The following ANXA2 variants were observed in gnomAD, a reference collection of about 807,000 sequenced individuals.
ANXA2 encodes the protein annexin A2, also known as annexin II.
Under a neutral mutation model 47.3 loss-of-function variants are expected in ANXA2, and 28 were observed. That is an observed-to-expected ratio of 0.59 (90% CI 0.44 to 0.81). The LOEUF (loss-of-function observed/expected upper bound fraction) is 0.81, where lower values mean the gene tolerates loss of function less well. Among genes scored for constraint, ANXA2 ranks in the 40% least tolerant of loss-of-function variants. ANXA2 has a pLI of 0.00. For synonymous variants in ANXA2, 172 were observed against 155.5 expected (o/e 1.11, Z -0.79); for missense variants, 384 against 414.3 (o/e 0.93, Z 0.64).
In ANXA2 at chr15:60,352,586, G is replaced by T; in HGVS notation, c.589-110C>A. 1 of 761,356 alleles carries T rather than the reference G, an allele frequency of 1.3e-6. No homozygotes were observed. Among genetic ancestry groups the T allele is most frequent in the Admixed American group, 2.3e-5 (1 of 43,298 alleles). 47.2% of individuals were successfully genotyped at this position (761,356 alleles called of 1,614,324 possible). A position where few individuals can be genotyped will look rare whatever the true frequency, so the allele number is the denominator to read the frequency against. On this transcript the variant is annotated intron_variant, in intron 8 of 12. Transcript: ENST00000451270. This position sits in a 1 kb window ranked among gnomAD's most constrained non-coding sequence, Gnocchi z 4.2. ...CTACACATTCAAAATGCCAAACGAG[G>T]AAAGATGATTATACTGCAGACATGG...
rs998995880 is a variant in ANXA2 at position 60,374,401 on chromosome 15, A to T, written c.148+7941T>A. The T allele has an allele frequency of 8.8e-5, 40 of 452,592 alleles. No individual in the cohort carries two copies. The East Asian group carries it at 1.1e-3, about 13-fold the overall frequency. The allele number at this position is 452,592 out of a possible 1,614,324, so 28.0% of individuals were successfully genotyped here. On this transcript the variant is annotated intron_variant, in intron 3 of 12. Transcript: ENST00000451270. The stretch of plus-strand genomic sequence containing the variant: ...CGTCAGCCTCATGGGACAGAAAATT[A>T]AAAAATGTGAACAGATGCGAGAGAA...
chr15:60,357,085 G>A (rs1426577275), intron 6 of ANXA2, 61 bp downstream of exon 6: 8 of 1,478,214 alleles, frequency 5.4e-6, no homozygotes, highest in Non-Finnish European at 7.6e-6. Context: ...AACCCCAGTG[G>A]CCATGATAGA....
rs1252060396 is a variant in ANXA2, at chr15:60,367,104, A to G, written c.149-2581T>C. Among the ~76,000 whole-genome samples, 21 of 35,360 alleles carry G rather than the reference A, an allele frequency of 5.9e-4. 1 individual carries two copies. The highest frequency in any genetic ancestry group is 1.5e-3 in the South Asian group (1 of 688). 23.2% of individuals were successfully genotyped at this position (35,360 alleles called of 152,430 possible). A position where few individuals can be genotyped will look rare whatever the true frequency, so the allele number is the denominator to read the frequency against. On this transcript the variant is annotated intron_variant, in intron 3 of 12. Coordinates refer to ENST00000451270, the MANE Select transcript of ANXA2 (RefSeq NM_004039.3). ...AGCCCCCCGCCTGGCCAGCCGCCCC[A>G]TCCGGGAGGGAGGTGGGGGGGTCAG...
chr15:60,373,248 G>C (rs140205498), intron 3 of ANXA2, among the ~76,000 whole-genome samples: 56 of 152,280 alleles, frequency 3.7e-4, no homozygotes, highest in African/African-American at 1.3e-3. Context: ...ATAATGATTT[G>C]CCACCTGGTA....
chr15:60,374,639 C>T (rs1170151673), intron 3 of ANXA2: 1 of 455,962 alleles, frequency 2.2e-6, no homozygotes, highest in African/African-American at 2.0e-5. Flanking sequence ...GCACCAAGGA[C>T]TCCTTTTCCA....
In ANXA2 at chr15:60,355,760, T is replaced by C. The variant is rs550591206; in HGVS notation, c.528+159A>G. 79 of 719,842 alleles carry C rather than the reference T, an allele frequency of 1.1e-4. No individual in the cohort carries two copies. In the Admixed American group the frequency reaches 1.6e-3, roughly 15 times the overall value. 44.6% of individuals were successfully genotyped at this position (719,842 alleles called of 1,614,324 possible). A position where few individuals can be genotyped will look rare whatever the true frequency, so the allele number is the denominator to read the frequency against. ...GATAAGAAATCCTATTATACAAAAT[T>C]GACAACTCTGCAGTGACAGTGCAAA... On this transcript the variant is annotated intron_variant, in intron 7 of 12. Coordinates refer to ENST00000451270, the MANE Select transcript of ANXA2 (RefSeq NM_004039.3).
chr15:60,382,529 T>C, intron 2 of ANXA2, 88 bp from the exon 3 acceptor site: 1 of 951,098 alleles, frequency 1.1e-6, no homozygotes, highest in Non-Finnish European at 1.6e-6. Context: ...TTCCTATTGT[T>C]TCTTTTAACA....
At chr15:60,358,132 C>A (rs1451676441) in intron 5 of ANXA2, among the ~76,000 whole-genome samples, 1 of 152,166 alleles carries the variant, frequency 6.6e-6, no homozygotes, top group East Asian at 1.9e-4. Context: ...CATTCTTGTC[C>A]TTCCATTTTT....
chr15:60,391,804 C>G (rs74555663), intron 1 of ANXA2, among the ~76,000 whole-genome samples: 1 of 152,154 alleles, frequency 6.6e-6, no homozygotes, highest in Non-Finnish European at 1.5e-5. Flanking sequence ...TTCTGGCAGA[C>G]TTCTCTAAAG....
Position 60,352,496 on chromosome 15 carries a change from G to A in ANXA2, c.589-20C>T. The A allele has an allele frequency of 1.9e-6, 3 of 1,578,862 alleles. No homozygotes were observed. In the South Asian group the frequency reaches 3.4e-5, roughly 18 times the overall value. On this transcript the variant is annotated intron_variant, in intron 8 of 12. Transcript: ENST00000451270. The surrounding 1 kb of genome is among the most constrained non-coding windows in gnomAD (Gnocchi z 4.2). ...GAGATCCTACGAGTACAACCAACCA[G>A]GAAAAGTTAACTACACATCCAATGT...
chr15:60,367,422 G>A (rs1323397624), intron 3 of ANXA2, among the ~76,000 whole-genome samples: 1 of 27,348 alleles, frequency 3.7e-5, no homozygotes, highest in Admixed American at 4.8e-4. Flanking sequence ...CGCCCCGTCC[G>A]GGAGGGAGGT....
chr15:60,390,357 G>T, intron 1 of ANXA2: 1 of 787,126 alleles, frequency 1.3e-6, no homozygotes, highest in Non-Finnish European at 1.8e-6. Context: ...CATGCCGATA[G>T]CATTCCGGAA....
chr15:60,390,995 C>T (rs1280848245), intron 1 of ANXA2: 4 of 152,422 alleles, frequency 2.6e-5, no homozygotes, highest in Non-Finnish European at 5.9e-5. Context: ...ACTGGTAATA[C>T]GCAAGGAATT....
At chr15:60,380,218 A>AT (rs2062837047) in intron 3 of ANXA2, among the ~76,000 whole-genome samples, 1 of 152,176 alleles carries the variant, frequency 6.6e-6, no homozygotes, top group Non-Finnish European at 1.5e-5. Context: ...GCATCGTGCT[A>AT]AATGCTTCAT....
chr15:60,361,180 G>C, intron 4 of ANXA2, 126 bp from the exon 5 acceptor site: 3 of 688,782 alleles, frequency 4.4e-6, no homozygotes, highest in Non-Finnish European at 8.0e-6. Context: ...GGAGTCTTGG[G>C]TCAAACGCCC....
intron 1 of ANXA2, chr15:60,392,972 G>T (rs2063033680): frequency 8.5e-7 from 1 of 1,172,676 alleles, no homozygotes; most frequent in Non-Finnish European, 1.1e-6. Flanking sequence ...AATGTACTGG[G>T]TGAGGAGAGG....
intron 3 of ANXA2, among the ~76,000 whole-genome samples, chr15:60,377,612 C>T (rs1270379274): frequency 6.6e-6 from 1 of 151,982 alleles, no homozygotes. Flanking sequence ...AAACACATAA[C>T]TAAATTTAAA....
rs377295529 is a variant in ANXA2 at position 60,393,427 on chromosome 15, C to T, written c.-12+4516G>A. 3.0e-6 allele frequency: 3 copies of T among 1,006,610 alleles called. No individual in the cohort carries two copies. In the African/African-American group the frequency reaches 5.2e-5, roughly 17 times the overall value. 62.4% of individuals were successfully genotyped at this position (1,006,610 alleles called of 1,614,324 possible). On this transcript the variant is annotated intron_variant, in intron 1 of 12. Coordinates refer to ENST00000451270, the MANE Select transcript of ANXA2 (RefSeq NM_004039.3). ...TATGGCCCACATATTGTATTTTCAACAGGGCCTGGCCGCCTACAGAAAAAA... is the reference window on the plus strand; with the variant it reads ...TATGGCCCACATATTGTATTTTCAATAGGGCCTGGCCGCCTACAGAAAAAA...
rs145075587 is a variant in ANXA2 at position 60,349,078 on chromosome 15, G to C, written c.957C>G (p.Ile319Met). The C allele has an allele frequency of 1.3e-4, 211 of 1,613,910 alleles. No individual in the cohort carries two copies. The highest frequency in any genetic ancestry group is 1.7e-4 in the Non-Finnish European group (198 of 1,180,006). ...TGACACTGCACCTCGGGCTTACCTGGATATAATAGTACAGGGACTTGCCGT... is the reference window on the plus strand; with the variant it reads ...TGACACTGCACCTCGGGCTTACCTGCATATAATAGTACAGGGACTTGCCGT... Reference protein sequence around the residue: ...RKYGKSLYYYIQQDTKGDYQK... With the variant: ...RKYGKSLYYYMQQDTKGDYQK... Residue 319 changes from isoleucine to methionine, a missense_variant, in exon 12 of 13, where the codon ATC becomes ATG. Physicochemically the swap from Ile to Met is conservative, Grantham distance 10. Transcript: ENST00000451270.
Sources: gnomAD v4.1 joint callset for allele counts (sites outside exome capture counted in the v4.1 genomes callset) on GRCh38, gnomAD v4.1.1 for gene constraint, Gnocchi (gnomAD v3.1) non-coding constraint, MANE v1.5 for transcripts, NCBI Gene and HGNC (gene_info 2026-07-23, HGNC 2026-07-21) for gene names.